PHF20: variants seen among roughly 807,000 people sequenced by gnomAD.
PHF20 encodes PHD finger protein 20.
PHF20 carries 23 observed loss-of-function variants against 113.5 expected under a neutral mutation model. That is an observed-to-expected ratio of 0.20 (90% CI 0.15 to 0.29). PHF20 has a LOEUF of 0.29. Among genes scored for constraint, PHF20 ranks in the 10% least tolerant of loss-of-function variants. The pLI, the probability that PHF20 is intolerant of heterozygous loss-of-function variation, is 1.00. For missense variants in PHF20, 943 were observed against 1,219.6 expected (o/e 0.77, Z 3.38); for synonymous variants, 434 against 457.3 (o/e 0.95, Z 0.65).
At position 35,863,140 on chromosome 20, in the gene PHF20, A is replaced by G; in HGVS notation, c.548A>G (p.Lys183Arg). Residue 183 changes from lysine to arginine, a missense_variant, in exon 6 of 18, where the codon AAA becomes AGA. Lys to Arg is a conservative substitution (Grantham distance 26). Coordinates refer to ENST00000374012, the MANE Select transcript of PHF20 (RefSeq NM_016436.5). ...TVNVKKDKED[K>R]PLKTEKRPKQ... is the part of the protein sequence containing the mutation. ...AATGTGAAGAAAGACAAAGAAGATA[A>G]ACCCTTAAAGACAGAAAAGCGACCC... 1 of 1,614,020 alleles carries G rather than the reference A, an allele frequency of 6.2e-7. No homozygotes were observed. Among genetic ancestry groups the G allele is most frequent in the Non-Finnish European group, 8.5e-7 (1 of 1,179,996 alleles).
intron 1 of PHF20, chr20:35,782,681 T>G (rs1442423376): frequency 1.3e-5 from 2 of 152,214 alleles, no homozygotes; most frequent in African/African-American, 4.8e-5. Flanking sequence ...TGCCACTCTC[T>G]TGGGGCCAAA....
In PHF20 at chr20:35,900,815, C is replaced by T. The variant is rs1202299086; in HGVS notation, c.1561+1167C>T. Among the ~76,000 whole-genome samples, 6 of 151,888 alleles carry T rather than the reference C, an allele frequency of 4.0e-5. No homozygotes were observed. The East Asian group carries it at 7.7e-4, about 20-fold the overall frequency. ...TCATGCCACTGCACTCCAGCCTGGG[C>T]GACTGAGTGAGACTCCATCTCAAAA... On this transcript the variant is annotated intron_variant, in intron 10 of 17. Transcript: ENST00000374012.
At chr20:35,791,141 G>A (rs1163325302) in intron 1 of PHF20, among the ~76,000 whole-genome samples, 1 of 152,200 alleles carries the variant, frequency 6.6e-6, no homozygotes, top group Non-Finnish European at 1.5e-5. Flanking sequence ...ACAGGCGTGA[G>A]CCACCGCGTC....
rs572674480 is a variant in PHF20, at chr20:35,834,091, C to T, written c.84-8482C>T. Among the ~76,000 whole-genome samples the T allele has an allele frequency of 2.8e-4, 41 of 144,922 alleles. 2 individuals are homozygous for T. In the South Asian group the frequency reaches 4.1e-3, roughly 15 times the overall value. ...ATAAATAAATAAATAAATAAAAAGG[C>T]GGGAGGGTTTATTCAAGTGCTTTAG... is the stretch of plus-strand genomic sequence containing the variant. On this transcript the variant is annotated intron_variant, in intron 2 of 17. Coordinates refer to ENST00000374012, the MANE Select transcript of PHF20 (RefSeq NM_016436.5).
At position 35,858,229 on chromosome 20, in the gene PHF20, T is replaced by TA. The variant is rs2042873614; in HGVS notation, c.341-73_341-72insA. Reference sequence around the variant, plus strand: ...TTATTATGTGGTTGGAGATCCCTTGTGTTTATACTTTGAAAAGTTACCACT... The same window carrying TA: ...TTATTATGTGGTTGGAGATCCCTTGTAGTTTATACTTTGAAAAGTTACCACT... On this transcript the variant is annotated intron_variant, in intron 4 of 17. Transcript: ENST00000374012. 24 of 779,316 alleles carry TA rather than the reference T, an allele frequency of 3.1e-5. No individual in the cohort carries two copies. The South Asian group carries it at 3.7e-4, about 12-fold the overall frequency. 48.3% of individuals were successfully genotyped at this position (779,316 alleles called of 1,614,324 possible).
chr20:35,825,191 T>G (rs1348246146), intron 2 of PHF20, among the ~76,000 whole-genome samples: 1 of 152,190 alleles, frequency 6.6e-6, no homozygotes, highest in African/African-American at 2.4e-5. Context: ...GAATCCTGTT[T>G]GTTTTTATTT....
At chr20:35,827,600 C>T (rs913930707) in intron 2 of PHF20, among the ~76,000 whole-genome samples, 12 of 151,936 alleles carry the variant, frequency 7.9e-5, no homozygotes, top group South Asian at 6.2e-4. Flanking sequence ...CTGGCTAACA[C>T]GGTGAAACCC....
At chr20:35,915,363 A>ATTTTG (rs955313125) in intron 12 of PHF20, among the ~76,000 whole-genome samples, 65 of 150,962 alleles carry the variant, frequency 4.3e-4, no homozygotes, top group African/African-American at 1.5e-3. Flanking sequence ...ATATATATAT[A>ATTTTG]TTTTGTTTTG....
intron 10 of PHF20, among the ~76,000 whole-genome samples, chr20:35,911,525 A>C (rs959530238): frequency 6.6e-6 from 1 of 152,152 alleles, no homozygotes. Flanking sequence ...TTGAATGAAT[A>C]TGTTGTAGTG....
chr20:35,878,627 T>G (rs2054572930), intron 9 of PHF20: 1 of 776,906 alleles, frequency 1.3e-6, no homozygotes, highest in Non-Finnish European at 2.4e-6. Context: ...TACTAAAATG[T>G]CCCTTCATCT....
chr20:35,793,492 G>A (rs998833104), intron 1 of PHF20, among the ~76,000 whole-genome samples: 4 of 150,660 alleles, frequency 2.7e-5, no homozygotes, highest in African/African-American at 4.9e-5. Context: ...TAGAGACGGG[G>A]TTTCACCATA....
intron 9 of PHF20, among the ~76,000 whole-genome samples, chr20:35,879,721 A>C (rs1390265962): frequency 9.2e-5 from 14 of 151,780 alleles, no homozygotes; most frequent in South Asian, 6.2e-4. Flanking sequence ...CAAAAAAAAA[A>C]CAAAAAAACA....
chr20:35,785,957 G>A (rs1358447125), intron 1 of PHF20, among the ~76,000 whole-genome samples: 3 of 150,434 alleles, frequency 2.0e-5, no homozygotes, highest in Non-Finnish European at 3.0e-5. Flanking sequence ...GCTTGAACCC[G>A]GGAGGCGGAG....
intron 6 of PHF20, among the ~76,000 whole-genome samples, chr20:35,868,254 T>C (rs543059705): frequency 1.1e-3 from 159 of 148,208 alleles, no homozygotes; most frequent in African/African-American, 3.9e-3. Flanking sequence ...GATCGCACCA[T>C]TGCAGTCCAG....
intron 3 of PHF20, among the ~76,000 whole-genome samples, 165 bp downstream of exon 3, chr20:35,842,909 T>A (rs1440712753): frequency 6.6e-6 from 1 of 152,080 alleles, no homozygotes; most frequent in East Asian, 1.9e-4. Flanking sequence ...GAATCCCAAT[T>A]TTGTTTGTTT....
chr20:35,825,443 A>G (rs1445705469), intron 2 of PHF20, among the ~76,000 whole-genome samples: 1 of 152,156 alleles, frequency 6.6e-6, no homozygotes. Context: ...CTCCCTCCTC[A>G]GGCTCCACTT....
intron 9 of PHF20, among the ~76,000 whole-genome samples, chr20:35,882,984 C>T (rs1019750204): frequency 1.4e-5 from 2 of 148,098 alleles, no homozygotes; most frequent in Admixed American, 6.8e-5. Flanking sequence ...GCCAAGATCA[C>T]GTTATTGCAC....
intron 4 of PHF20, among the ~76,000 whole-genome samples, chr20:35,847,712 A>G (rs1025115947): frequency 3.9e-5 from 6 of 152,224 alleles, no homozygotes; most frequent in African/African-American, 1.4e-4. Context: ...GTATGCAGGT[A>G]CTTGCTGTCT....
intron 9 of PHF20, among the ~76,000 whole-genome samples, chr20:35,888,947 C>A (rs1276619325): frequency 6.6e-6 from 1 of 150,586 alleles, no homozygotes; most frequent in East Asian, 1.9e-4. Flanking sequence ...GTGTGTGAGA[C>A]TGGGATTTAT....
Sources: allele counts gnomAD v4.1 joint callset (sites outside exome capture counted in the v4.1 genomes callset), GRCh38; gene constraint gnomAD v4.1.1; transcripts MANE v1.5; gene names NCBI Gene and HGNC (gene_info 2026-07-23, HGNC 2026-07-21).